The following ANKS1B variants were observed in gnomAD, a reference collection of about 807,000 sequenced individuals.
The protein encoded by ANKS1B is ankyrin repeat and sterile alpha motif domain containing 1B.
In ANKS1B, 36 loss-of-function variants were observed where a neutral mutation model predicts 148.3. The observed-to-expected ratio is 0.24, with a 90% CI of 0.19 to 0.32. ANKS1B has a LOEUF of 0.32. Among genes scored for constraint, ANKS1B ranks in the 10% least tolerant of loss-of-function variants. The probability of loss-of-function intolerance (pLI) is 1.00; values close to 1 mark genes in which losing one functional copy is unlikely to be tolerated. For synonymous variants in ANKS1B, 542 were observed against 560.8 expected (o/e 0.97, Z 0.47); for missense variants, 1,157 against 1,542.6 (o/e 0.75, Z 4.19).
At chr12:98,737,639 C>G (rs1260260481) in intron 9 of ANKS1B, among the ~76,000 whole-genome samples, 2 of 152,166 alleles carry the variant, frequency 1.3e-5, no homozygotes, top group Non-Finnish European at 1.5e-5. Context: ...ATAACACAGT[C>G]TATGTTCTTC....
At chr12:99,669,271 A>G (rs2153464661) in intron 8 of ANKS1B, among the ~76,000 whole-genome samples, 1 of 152,264 alleles carries the variant, frequency 6.6e-6, no homozygotes, top group East Asian at 1.9e-4. Context: ...CTTGCACTCA[A>G]ATGATCTTCT....
intron 1 of ANKS1B, among the ~76,000 whole-genome samples, chr12:99,907,812 T>TAAAAAAAAAAAAAAAAAAAAAAAAAA (rs751468199): frequency 1.0e-5 from 1 of 100,158 alleles, no homozygotes; most frequent in Non-Finnish European, 1.9e-5. Flanking sequence ...GAGAAATTCT[T>TAAAAAAAAAAAAAAAAAAAAAAAAAA]AAAAAAAAAA....
intron 8 of ANKS1B, among the ~76,000 whole-genome samples, chr12:99,727,200 G>C (rs1422108535): frequency 1.3e-5 from 2 of 152,032 alleles, no homozygotes; most frequent in African/African-American, 4.8e-5. Context: ...AAGTCATATT[G>C]TCCCTTTTTG....
At chr12:99,969,017 A>G (rs2095525324) in intron 1 of ANKS1B, among the ~76,000 whole-genome samples, 1 of 152,168 alleles carries the variant, frequency 6.6e-6, no homozygotes, top group Non-Finnish European at 1.5e-5. Context: ...TTCTTTATAA[A>G]TTATCCAGCC....
intron 12 of ANKS1B, among the ~76,000 whole-genome samples, chr12:99,324,763 C>T (rs924062126): frequency 4.6e-5 from 7 of 152,000 alleles, no homozygotes; most frequent in African/African-American, 1.7e-4. Context: ...GTCAGTCTGC[C>T]CTTGAAACTT....
chr12:99,941,701 G>C lies in ANKS1B; in HGVS notation c.134+42403C>G, dbSNP rs74885145. 8.7e-3 allele frequency among the ~76,000 whole-genome samples: 1,324 copies of C among 152,230 alleles called. 23 individuals carry two copies. The highest frequency in any genetic ancestry group is 0.03 in the African/African-American group (1,258 of 41,552). On this transcript the variant is annotated intron_variant, in intron 1 of 26. Transcript: ENST00000683438. ...TGATCTCCTAGCTAAGATAAGGAAA[G>C]GCATCATAGAGGAAGGAGCATTTAA...
intron 1 of ANKS1B, among the ~76,000 whole-genome samples, chr12:99,943,356 T>C (rs2094967635): frequency 6.6e-6 from 1 of 152,158 alleles, no homozygotes; most frequent in Non-Finnish European, 1.5e-5. Context: ...AAATAAGACC[T>C]GCCCAGTGCA....
At chr12:99,387,153 G>A (rs184462631) in intron 12 of ANKS1B, among the ~76,000 whole-genome samples, 143 of 152,300 alleles carry the variant, frequency 9.4e-4, no homozygotes, top group African/African-American at 3.3e-3. Flanking sequence ...ATTGGTGGGA[G>A]TTAAAGAAGG....
intron 15 of ANKS1B, among the ~76,000 whole-genome samples, chr12:99,089,119 A>G (rs1186932030): frequency 1.3e-5 from 2 of 151,212 alleles, no homozygotes; most frequent in African/African-American, 4.9e-5. Flanking sequence ...GCAACCGCTC[A>G]TTTTTCTCAA....
chr12:99,663,319 C>A (rs1226383411), intron 8 of ANKS1B, among the ~76,000 whole-genome samples: 1 of 152,114 alleles, frequency 6.6e-6, no homozygotes, highest in Non-Finnish European at 1.5e-5. Flanking sequence ...ATCAGAAAAC[C>A]TACTGTTAAA....
At chr12:99,000,387 G>C (rs745897427) in intron 17 of ANKS1B, among the ~76,000 whole-genome samples, 6 of 149,034 alleles carry the variant, frequency 4.0e-5, no homozygotes, top group Non-Finnish European at 7.4e-5. Flanking sequence ...TCTTGCCTCA[G>C]CCTCCTGAGT....
intron 11 of ANKS1B, among the ~76,000 whole-genome samples, chr12:99,413,238 A>T (rs1278582828): frequency 6.6e-6 from 1 of 152,220 alleles, no homozygotes; most frequent in African/African-American, 2.4e-5. Flanking sequence ...ATTCACAGAT[A>T]ATCTCAGTTA....
chr12:99,496,648 T>G (rs1372079020), intron 10 of ANKS1B, among the ~76,000 whole-genome samples: 1 of 152,206 alleles, frequency 6.6e-6, no homozygotes, highest in African/African-American at 2.4e-5. Flanking sequence ...ATTTTCTGGT[T>G]GAATTGTAAA....
intron 1 of ANKS1B, among the ~76,000 whole-genome samples, chr12:99,964,582 C>A (rs1257429251): frequency 2.0e-5 from 3 of 152,276 alleles, no homozygotes; most frequent in Admixed American, 6.5e-5. Context: ...AGAGGGCATC[C>A]CTTCTGGCAT....
At chr12:99,098,200 GT>G (rs1269042873) in intron 15 of ANKS1B, among the ~76,000 whole-genome samples, 4 of 152,202 alleles carry the variant, frequency 2.6e-5, no homozygotes, top group Non-Finnish European at 5.9e-5. Flanking sequence ...AGATCACACA[GT>G]AAGTGGCAGA....
At position 99,829,650 on chromosome 12, in the gene ANKS1B, AAAAC is replaced by A. The variant is rs747347282; in HGVS notation, c.135-4265_135-4262del. Among the ~76,000 whole-genome samples, 8 of 151,934 alleles carry A rather than the reference AAAAC, an allele frequency of 5.3e-5. No homozygotes were observed. The South Asian group carries it at 1.2e-3, about 24-fold the overall frequency. Reference sequence around the variant, plus strand: ...TGGGCGAGAGCGAGACTCCGTCTCAAAAACAAACAAACAAACAAAAAATACAATA... The same window carrying A: ...TGGGCGAGAGCGAGACTCCGTCTCAAAAACAAACAAACAAAAAATACAATA... On this transcript the variant is annotated intron_variant, in intron 1 of 26. Transcript: ENST00000683438.
intron 10 of ANKS1B, among the ~76,000 whole-genome samples, chr12:99,444,762 C>T (rs2095609912): frequency 6.6e-6 from 1 of 151,800 alleles, no homozygotes; most frequent in Admixed American, 6.6e-5. Context: ...AATTAGTTCC[C>T]AATAATTTTC....
intron 10 of ANKS1B, among the ~76,000 whole-genome samples, chr12:99,494,162 G>A (rs981962331): frequency 7.9e-5 from 12 of 152,090 alleles, no homozygotes; most frequent in Non-Finnish European, 1.3e-4. Context: ...GAAAAAGTGA[G>A]GATCGAGAAA....
At chr12:99,019,268 C>T (rs1278957592) in intron 17 of ANKS1B, among the ~76,000 whole-genome samples, 1 of 152,060 alleles carries the variant, frequency 6.6e-6, no homozygotes, top group Non-Finnish European at 1.5e-5. Context: ...AATATAAGGA[C>T]GCTTTCTGAT....
Sources: gnomAD v4.1 joint callset for allele counts (sites outside exome capture counted in the v4.1 genomes callset) on GRCh38, gnomAD v4.1.1 for gene constraint, MANE v1.5 for transcripts, NCBI Gene and HGNC (gene_info 2026-07-23, HGNC 2026-07-21) for gene names.